The following AKR1D1 variants were observed in gnomAD, a reference collection of about 807,000 sequenced individuals.
AKR1D1 encodes delta(4)-3-ketosteroid 5-beta-reductase.
In AKR1D1, 32 loss-of-function variants were observed where a neutral mutation model predicts 42.6. That is an observed-to-expected ratio of 0.75 (90% confidence interval 0.57 to 1.01). AKR1D1 has a LOEUF of 1.01. Among genes scored for constraint, AKR1D1 ranks in the 50% least tolerant of loss-of-function variants. The probability of loss-of-function intolerance (pLI) is 0.00; values close to 1 mark genes in which losing one functional copy is unlikely to be tolerated. For missense variants in AKR1D1, 364 were observed against 402.2 expected, an observed-to-expected ratio of 0.91 and a Z score of 0.81; for synonymous variants, 123 against 135.5, an observed-to-expected ratio of 0.91 and a Z score of 0.64.
chr7:138,098,874 C>T (rs976545759), intron 4 of AKR1D1, among the ~76,000 whole-genome samples: 3 of 152,170 alleles, frequency 2.0e-5, no homozygotes, highest in Admixed American at 1.3e-4. Context: ...GCACTTCCTT[C>T]ACCCCTGCCA....
At chr7:138,113,893 C>T (rs116087790) in intron 8 of AKR1D1, 121 bp downstream of exon 8, 5 of 850,570 alleles carry the variant, frequency 5.9e-6, no homozygotes, top group African/African-American at 3.3e-5. Context: ...CATGGTGGGC[C>T]GCATATTCTG....
chr7:138,102,079 C>T lies in AKR1D1; in HGVS notation c.457-3228C>T, dbSNP rs139056679. Among the ~76,000 whole-genome samples, 612 of 152,094 alleles carry T rather than the reference C, an allele frequency of 4.0e-3. 4 individuals carry two copies. Among genetic ancestry groups the T allele is most frequent in the African/African-American group, 0.014 (596 of 41,494 alleles). On this transcript the variant is annotated intron_variant, in intron 4 of 8. Transcript: ENST00000242375. ...CACAAAAATTAGCCAGGCATAGTGG[C>T]GCCCATCTATAATCCCAGCTACTTG...
intron 4 of AKR1D1, among the ~76,000 whole-genome samples, chr7:138,099,888 G>A (rs555204307): frequency 1.4e-5 from 2 of 147,082 alleles, no homozygotes; most frequent in Non-Finnish European, 3.0e-5. Flanking sequence ...AAAAAAACAC[G>A]AAGATCTTAA....
rs886062007 is a variant in AKR1D1 at position 138,117,559 on chromosome 7, T to C, written c.*897T>C. The C allele has an allele frequency of 6.6e-6, 1 of 152,356 alleles. No homozygotes were observed. The highest frequency in any genetic ancestry group is 1.9e-4 in the East Asian group (1 of 5,194). The allele number at this position is 152,356 out of a possible 1,614,324, so 9.4% of individuals were successfully genotyped here. On this transcript the variant is annotated 3_prime_UTR_variant, in exon 9 of 9. Coordinates refer to ENST00000242375, the MANE Select transcript of AKR1D1 (RefSeq NM_005989.4). Reference sequence around the variant, plus strand: ...AAGATTATTGTACTTAAGACTTTAATAGTGTTACTTGGATAGCTTATATGA... The same window carrying C: ...AAGATTATTGTACTTAAGACTTTAACAGTGTTACTTGGATAGCTTATATGA...
In AKR1D1 at chr7:138,118,178, T is replaced by C. The variant is rs1020853680; in HGVS notation, c.*1516T>C. On this transcript the variant is annotated 3_prime_UTR_variant, in exon 9 of 9. Coordinates refer to ENST00000242375, the MANE Select transcript of AKR1D1 (RefSeq NM_005989.4). ...CCTCAAGACATATATTTTTGAGAAA[T>C]TATCATTTTAAAAAATTTGGTCTAT... Among the ~76,000 whole-genome samples, 6 of 152,206 alleles carry C rather than the reference T, an allele frequency of 3.9e-5. No homozygotes were observed. The highest frequency in any genetic ancestry group is 2.6e-4 in the Admixed American group (4 of 15,286).
chr7:138,116,886 A>G lies in AKR1D1; in HGVS notation c.*224A>G. On this transcript the variant is annotated 3_prime_UTR_variant, in exon 9 of 9. Transcript: ENST00000242375. ...AATAACTCTTAGGAAATTATCAACT[A>G]ATTTTTTCAGATCAGTATCTTCTAG... 1 of 527,166 alleles carries G rather than the reference A, an allele frequency of 1.9e-6. No individual in the cohort carries two copies. The highest frequency in any genetic ancestry group is 3.3e-6 in the Non-Finnish European group (1 of 300,724). The allele number at this position is 527,166 out of a possible 1,614,324, so 32.7% of individuals were successfully genotyped here. A position where few individuals can be genotyped will look rare whatever the true frequency, so the allele number is the denominator to read the frequency against.
At chr7:138,111,425 AGT>A (rs369778697) in intron 7 of AKR1D1, among the ~76,000 whole-genome samples, 1 of 152,204 alleles carries the variant, frequency 6.6e-6, no homozygotes, top group Non-Finnish European at 1.5e-5. Flanking sequence ...CCCTTGTCAA[AGT>A]TACCAGTGAC....
In AKR1D1 at chr7:138,105,357, C is replaced by A. The variant is rs1343577962; in HGVS notation, c.507C>A (p.Ser169=). The A allele has an allele frequency of 3.7e-6, 6 of 1,613,912 alleles. No individual in the cohort carries two copies. Among genetic ancestry groups the A allele is most frequent in the South Asian group, 3.3e-5 (3 of 91,082 alleles). Residue 169 remains serine, a synonymous_variant, in exon 5 of 9, where the codon TCC becomes TCA. Transcript: ENST00000242375. Reference sequence around the variant, plus strand: ...GCTTGGTGAAATCCCTGGGAGTGTCCAATTTTAACCGCAGGCAGCTGGAGC... The same window carrying A: ...GCTTGGTGAAATCCCTGGGAGTGTCAAATTTTAACCGCAGGCAGCTGGAGC... The part of the protein sequence containing the change: ...DAGLVKSLGV[S]NFNRRQLELI...
chr7:138,116,810 T>A lies in AKR1D1; in HGVS notation c.*148T>A. ...AAACATGTTTAATGTTTGTGCAGTG[T>A]AAATGACTTTGACTCAGTCACATTG... On this transcript the variant is annotated 3_prime_UTR_variant, in exon 9 of 9. Transcript: ENST00000242375. 1.4e-6 allele frequency: 1 copy of A among 698,380 alleles called. No individual in the cohort carries two copies. The highest frequency in any genetic ancestry group is 2.4e-6 in the Non-Finnish European group (1 of 420,550). The allele number at this position is 698,380 out of a possible 1,614,324, so 43.3% of individuals were successfully genotyped here. A position where few individuals can be genotyped will look rare whatever the true frequency, so the allele number is the denominator to read the frequency against.
chr7:138,079,750 G>A (rs1457285601), intron 1 of AKR1D1, among the ~76,000 whole-genome samples: 4 of 152,172 alleles, frequency 2.6e-5, no homozygotes, highest in Non-Finnish European at 5.9e-5. Context: ...CCAAACTTAC[G>A]TTGTAGTGGA....
chr7:138,090,000 G>A (rs763452799), intron 2 of AKR1D1, among the ~76,000 whole-genome samples: 13 of 151,294 alleles, frequency 8.6e-5, no homozygotes, highest in African/African-American at 1.2e-4. Flanking sequence ...ATTTCATAAA[G>A]TTGTTATGAG....
intron 5 of AKR1D1, among the ~76,000 whole-genome samples, chr7:138,105,636 T>C (rs1160080076): frequency 1.3e-5 from 2 of 152,180 alleles, no homozygotes; most frequent in African/African-American, 4.8e-5. Flanking sequence ...ACGCCTGTAA[T>C]CCCAGCACTT....
chr7:138,077,052 G>A (rs1209120349), intron 1 of AKR1D1, among the ~76,000 whole-genome samples: 1 of 152,122 alleles, frequency 6.6e-6, no homozygotes, highest in Non-Finnish European at 1.5e-5. Context: ...GTTATCTAGG[G>A]ATTAAAAATC....
chr7:138,101,461 GTGC>G (rs934987894), intron 4 of AKR1D1, among the ~76,000 whole-genome samples: 1 of 152,038 alleles, frequency 6.6e-6, no homozygotes, highest in African/African-American at 2.4e-5. Flanking sequence ...GCCTTTCAAA[GTGC>G]TGGGATTACA....
At chr7:138,111,159 C>T (rs1400479937) in intron 7 of AKR1D1, among the ~76,000 whole-genome samples, 2 of 152,138 alleles carry the variant, frequency 1.3e-5, no homozygotes, top group Admixed American at 6.5e-5. Context: ...TCAAACATCC[C>T]CCTCTCTTTC....
chr7:138,113,799 A>G, intron 8 of AKR1D1, 27 bp downstream of exon 8: 3 of 1,596,978 alleles, frequency 1.9e-6, no homozygotes, highest in Non-Finnish European at 2.6e-6. Flanking sequence ...ATTAATGGGT[A>G]TTGACCAGTG....
intron 8 of AKR1D1, among the ~76,000 whole-genome samples, chr7:138,115,660 T>C (rs562350619): frequency 1.3e-5 from 2 of 152,284 alleles, no homozygotes; most frequent in South Asian, 2.1e-4. Context: ...TTTAGAGATA[T>C]TGGACCATGA....
Position 138,117,607 on chromosome 7 carries a change from T to G in AKR1D1, c.*945T>G, listed in dbSNP as rs1255599713. 1.3e-5 allele frequency: 2 copies of G among 152,214 alleles called. No individual in the cohort carries two copies. The highest frequency in any genetic ancestry group is 4.8e-5 in the African/African-American group (2 of 41,420). The allele number at this position is 152,214 out of a possible 1,614,324, so 9.4% of individuals were successfully genotyped here. On this transcript the variant is annotated 3_prime_UTR_variant, in exon 9 of 9. Transcript: ENST00000242375. ...TGAATTTTGAGAATTTTATATGAAT[T>G]TTGAGAAAGCAAGTTCAAAAGAACT...
intron 7 of AKR1D1, among the ~76,000 whole-genome samples, chr7:138,111,064 C>A (rs984240363): frequency 1.3e-5 from 2 of 152,092 alleles, no homozygotes; most frequent in Admixed American, 1.3e-4. Context: ...GAATCTTGTC[C>A]TATATATTTC....
Sources: allele counts gnomAD v4.1 joint callset (sites outside exome capture counted in the v4.1 genomes callset), GRCh38; gene constraint gnomAD v4.1.1; transcripts MANE v1.5; gene names NCBI Gene and HGNC (gene_info 2026-07-23, HGNC 2026-07-21).